Variants in NECAB1 observed in about 807,000 individuals in gnomAD.
NECAB1 encodes N-terminal EF-hand calcium-binding protein 1.
In NECAB1, 29 loss-of-function variants were observed where a neutral mutation model predicts 57.5. The observed-to-expected ratio is 0.50, with a 90% CI of 0.38 to 0.69. The LOEUF is 0.69. NECAB1 is among the 30% of genes least tolerant of loss of function. The pLI, the probability that NECAB1 is intolerant of heterozygous loss-of-function variation, is 0.00. For missense variants in NECAB1, 372 were observed against 413.8 expected (o/e 0.90, Z 0.88); for synonymous variants, 142 against 147.7 (o/e 0.96, Z 0.28).
intron 3 of NECAB1, among the ~76,000 whole-genome samples, chr8:90,867,660 A>G (rs148891497): frequency 2.0e-5 from 3 of 152,374 alleles, no homozygotes; most frequent in Admixed American, 6.5e-5. Flanking sequence ...TTGTTTATCA[A>G]TTATACAAAT....
intron 5 of NECAB1, among the ~76,000 whole-genome samples, chr8:90,910,747 A>G (rs571270779): frequency 2.0e-5 from 3 of 152,038 alleles, no homozygotes; most frequent in Non-Finnish European, 4.4e-5. Context: ...TTTGTACTCA[A>G]CCACTTTTGG....
intron 5 of NECAB1, among the ~76,000 whole-genome samples, chr8:90,914,057 C>T (rs907760350): frequency 6.6e-6 from 1 of 152,170 alleles, no homozygotes; most frequent in Admixed American, 6.5e-5. Flanking sequence ...AGCTTGGACA[C>T]TCCCTCTGGT....
At chr8:90,899,148 C>A (rs113702867) in intron 5 of NECAB1, among the ~76,000 whole-genome samples, 28 of 152,162 alleles carry the variant, frequency 1.8e-4, no homozygotes, top group Non-Finnish European at 3.2e-4. Context: ...TAAGAGGAGT[C>A]CCCCCTGACT....
At chr8:90,944,448 T>TAC (rs1810750000) in intron 10 of NECAB1, among the ~76,000 whole-genome samples, 1 of 152,234 alleles carries the variant, frequency 6.6e-6, no homozygotes, top group South Asian at 2.1e-4. Flanking sequence ...TTATAACATA[T>TAC]ACACACACAT....
intron 2 of NECAB1, among the ~76,000 whole-genome samples, chr8:90,821,314 A>T (rs577301203): frequency 6.6e-6 from 1 of 151,880 alleles, no homozygotes; most frequent in Non-Finnish European, 1.5e-5. Context: ...TTTGGAAAGC[A>T]AGTCTTATCC....
rs773299953 is a variant in NECAB1 at position 90,958,084 on chromosome 8, CTTTTTTTTT to C, written c.*2581_*2589del. 7.3e-6 allele frequency: 1 copy of C among 136,420 alleles called. No individual in the cohort carries two copies. The highest frequency in any genetic ancestry group is 1.6e-5 in the Non-Finnish European group (1 of 62,014). The allele number at this position is 136,420 out of a possible 1,614,324, so 8.5% of individuals were successfully genotyped here. A position where few individuals can be genotyped will look rare whatever the true frequency, so the allele number is the denominator to read the frequency against. On this transcript the variant is annotated 3_prime_UTR_variant, in exon 13 of 13. Transcript: ENST00000417640. ...TCAGCAGATTTTTCTGGAAGAAACC[CTTTTTTTTT>C]TTTTTTTTAAACAGTAACATCCAGA...
intron 8 of NECAB1, among the ~76,000 whole-genome samples, chr8:90,933,756 T>C (rs1810465859): frequency 1.3e-5 from 2 of 152,138 alleles, no homozygotes; most frequent in Admixed American, 6.6e-5. Flanking sequence ...TTTTAAGACT[T>C]CACGGTCTTT....
chr8:90,793,651 C>T (rs1459692997), intron 1 of NECAB1, among the ~76,000 whole-genome samples: 1 of 152,166 alleles, frequency 6.6e-6, no homozygotes, highest in Non-Finnish European at 1.5e-5. Context: ...AGTTATGAGG[C>T]TGACAATTAA....
At chr8:90,826,793 T>C (rs897470874) in intron 3 of NECAB1, among the ~76,000 whole-genome samples, 1 of 151,830 alleles carries the variant, frequency 6.6e-6, no homozygotes, top group African/African-American at 2.4e-5. Flanking sequence ...ATTTTATTTA[T>C]ATAATTATTA....
rs939370993 is a variant in NECAB1, at chr8:90,917,966, G to A, written c.494+338G>A. Among the ~76,000 whole-genome samples the A allele has an allele frequency of 1.2e-4, 8 of 65,142 alleles. 1 individual carries two copies. The highest frequency in any genetic ancestry group is 3.6e-4 in the African/African-American group (4 of 11,040). 42.7% of individuals were successfully genotyped at this position (65,142 alleles called of 152,430 possible). On this transcript the variant is annotated intron_variant, in intron 6 of 12. Coordinates refer to ENST00000417640, the MANE Select transcript of NECAB1 (RefSeq NM_022351.5). Reference sequence around the variant, plus strand: ...TGTATATATATACACACACACATATGTGTGTGTGTGTATATATATACATAT... The same window carrying A: ...TGTATATATATACACACACACATATATGTGTGTGTGTATATATATACATAT...
chr8:90,952,237 T>C (rs1488859815), intron 12 of NECAB1, among the ~76,000 whole-genome samples: 2 of 149,312 alleles, frequency 1.3e-5, no homozygotes, highest in East Asian at 3.9e-4. Flanking sequence ...AAAAAAAACC[T>C]GCACCAGGAA....
At chr8:90,948,212 C>G (rs1291699491) in intron 10 of NECAB1, among the ~76,000 whole-genome samples, 1 of 152,112 alleles carries the variant, frequency 6.6e-6, no homozygotes, top group Non-Finnish European at 1.5e-5. Context: ...ATTTGCAGAT[C>G]ATTTCTGGGA....
At chr8:90,792,080 C>A in intron 1 of NECAB1, 95 bp downstream of exon 1, 1 of 966,330 alleles carries the variant, frequency 1.0e-6, no homozygotes, top group East Asian at 2.7e-5. Flanking sequence ...CCAGCCAATG[C>A]TTTGTCCCCA....
At chr8:90,936,593 TA>T (rs1012460533) in intron 9 of NECAB1, among the ~76,000 whole-genome samples, 19 of 152,308 alleles carry the variant, frequency 1.2e-4, no homozygotes, top group Non-Finnish European at 2.2e-4. Flanking sequence ...TTCTAGCCTG[TA>T]AAGTAGAATT....
intron 5 of NECAB1, chr8:90,903,782 C>T (rs1809568079): frequency 6.6e-6 from 1 of 152,196 alleles, no homozygotes; most frequent in Non-Finnish European, 1.5e-5. Context: ...AAAGACTTCT[C>T]AGAGGCCAAA....
At chr8:90,908,914 C>T (rs963889632) in intron 5 of NECAB1, among the ~76,000 whole-genome samples, 1 of 152,048 alleles carries the variant, frequency 6.6e-6, no homozygotes, top group Non-Finnish European at 1.5e-5. Context: ...TACTCATTTT[C>T]TCTGTATTGC....
intron 8 of NECAB1, among the ~76,000 whole-genome samples, chr8:90,928,613 A>G (rs1219384834): frequency 6.6e-6 from 1 of 152,212 alleles, no homozygotes; most frequent in Non-Finnish European, 1.5e-5. Flanking sequence ...GTGTGCTTGA[A>G]TGATGCTAAT....
At chr8:90,946,260 C>T (rs1345558771) in intron 10 of NECAB1, among the ~76,000 whole-genome samples, 1 of 152,220 alleles carries the variant, frequency 6.6e-6, no homozygotes, top group African/African-American at 2.4e-5. Flanking sequence ...GCACTTTCAT[C>T]ACTGCATCTG....
intron 2 of NECAB1, among the ~76,000 whole-genome samples, chr8:90,823,102 G>A (rs1812170679): frequency 6.6e-6 from 1 of 151,690 alleles, no homozygotes; most frequent in Non-Finnish European, 1.5e-5. Flanking sequence ...CACAAAATTA[G>A]GAAATTGATG....
Sources: allele counts gnomAD v4.1 joint callset (sites outside exome capture counted in the v4.1 genomes callset), GRCh38; gene constraint gnomAD v4.1.1; transcripts MANE v1.5; gene names NCBI Gene and HGNC (gene_info 2026-07-23, HGNC 2026-07-21).